The following ATAT1 variants were observed in gnomAD, a reference collection of about 807,000 sequenced individuals.
ATAT1 encodes alpha tubulin acetyltransferase 1, also known as alpha-tubulin N-acetyltransferase 1.
ATAT1 carries 42 observed loss-of-function variants against 57.2 expected under a neutral mutation model. The ratio of observed to expected loss-of-function variants is 0.73; its 90% CI spans 0.57 to 0.95. The LOEUF is 0.95. Among genes scored for constraint, ATAT1 ranks in the 40% least tolerant of loss-of-function variants. The probability of loss-of-function intolerance (pLI) is 0.00; values close to 1 mark genes in which losing one functional copy is unlikely to be tolerated. For synonymous variants in ATAT1, 168 were observed against 187.1 expected (o/e 0.90, Z 0.83); for missense variants, 454 against 523.7 (o/e 0.87, Z 1.30).
Position 30,626,944 on chromosome 6 carries a change from A to G in ATAT1, c.-260A>G, listed in dbSNP as rs1158582197. 1.8e-5 allele frequency: 29 copies of G among 1,608,756 alleles called. No individual in the cohort carries two copies. Among genetic ancestry groups the G allele is most frequent in the Non-Finnish European group, 2.5e-5 (29 of 1,178,356 alleles). The stretch of plus-strand genomic sequence containing the variant: ...CCGGAGCGGATCACGGTGCTGGACC[A>G]GCACCTGAGGCCCCCAGCCCGCCGA... On this transcript the variant is annotated 5_prime_UTR_variant, in exon 1 of 13. Transcript: ENST00000330083.
chr6:30,628,545 C>A, intron 6 of ATAT1, 115 bp downstream of exon 6: 1 of 816,636 alleles, frequency 1.2e-6, no homozygotes, highest in Non-Finnish European at 1.9e-6. Context: ...TTTCTACAAC[C>A]AGGCTCTTTC....
At chr6:30,640,674 A>G (rs1406957083) in intron 8 of ATAT1, 71 bp downstream of exon 8, 1 of 1,563,848 alleles carries the variant, frequency 6.4e-7, no homozygotes, top group Non-Finnish European at 8.8e-7. Context: ...CACGGGGTAC[A>G]GTGCCATCTG....
In ATAT1 at chr6:30,640,532, C is replaced by A; in HGVS notation, c.548-3C>A. 2 of 1,612,992 alleles carry A rather than the reference C, an allele frequency of 1.2e-6. No individual in the cohort carries two copies. The highest frequency in any genetic ancestry group is 1.7e-6 in the Non-Finnish European group (2 of 1,180,006). ...AGGGGCCCCGCCGCTTCCTTCCTCA[C>A]AGGGCCCCCTGCTCCCTCTCTGAGG... On this transcript the variant is annotated splice_region_variant and splice_polypyrimidine_tract_variant and intron_variant, in intron 7 of 12. Coordinates refer to ENST00000330083, the MANE Select transcript of ATAT1 (RefSeq NM_001031722.4).
Position 30,628,311 on chromosome 6 carries a change from G to C in ATAT1, c.400-18G>C. 6.2e-7 allele frequency: 1 copy of C among 1,609,636 alleles called. No homozygotes were observed. Among genetic ancestry groups the C allele is most frequent in the Non-Finnish European group, 8.5e-7 (1 of 1,177,162 alleles). ...TTCCCCATACTTCCTCCTACCCTGA[G>C]TCTCCTTTTCCCTGCAGAAGGAGCG... On this transcript the variant is annotated intron_variant, in intron 5 of 12. Coordinates refer to ENST00000330083, the MANE Select transcript of ATAT1 (RefSeq NM_001031722.4).
chr6:30,638,043 GA>G (rs1247834172), intron 6 of ATAT1, among the ~76,000 whole-genome samples: 1 of 151,754 alleles, frequency 6.6e-6, no homozygotes, highest in African/African-American at 2.4e-5. Flanking sequence ...ATGGCTGGCT[GA>G]TTTTTTGTAT....
intron 6 of ATAT1, among the ~76,000 whole-genome samples, chr6:30,638,575 G>GTT (rs1236891609): frequency 2.7e-4 from 38 of 140,304 alleles, no homozygotes; most frequent in Admixed American, 5.0e-4. Context: ...TGGCCCCCGA[G>GTT]TTTTTTTTTT....
At chr6:30,631,728 G>C (rs542445130) in intron 6 of ATAT1, among the ~76,000 whole-genome samples, 1 of 152,120 alleles carries the variant, frequency 6.6e-6, no homozygotes, top group African/African-American at 2.4e-5. Flanking sequence ...GCAGTGAGCC[G>C]AGATGGTACC....
chr6:30,643,576 C>T (rs1200507176), intron 10 of ATAT1: 1 of 1,550,728 alleles, frequency 6.4e-7, no homozygotes. Context: ...CTACCCTCTC[C>T]CTGCCCTGGG....
intron 9 of ATAT1, 119 bp from the exon 10 acceptor site, chr6:30,642,649 G>GAAAA: frequency 3.4e-6 from 2 of 593,020 alleles, no homozygotes; most frequent in South Asian, 2.1e-5. Flanking sequence ...TCTCAAAAAA[G>GAAAA]AAAAAAAAAA....
At chr6:30,633,676 G>T in intron 6 of ATAT1, 1 of 208,402 alleles carries the variant, frequency 4.8e-6, no homozygotes, top group Non-Finnish European at 1.1e-5. Context: ...TCACCACCAA[G>T]GACTTCAAGG....
At chr6:30,645,465 T>G (rs1316324639) in intron 10 of ATAT1, among the ~76,000 whole-genome samples, 2 of 152,114 alleles carry the variant, frequency 1.3e-5, no homozygotes, top group Admixed American at 6.5e-5. Flanking sequence ...CTGCCCGTCT[T>G]GGCCTCCCAA....
At chr6:30,630,192 G>A (rs1169493949) in intron 6 of ATAT1, among the ~76,000 whole-genome samples, 4 of 151,982 alleles carry the variant, frequency 2.6e-5, no homozygotes, top group African/African-American at 7.3e-5. Context: ...GTGGTGGCAC[G>A]AGCCTGTAGT....
intron 6 of ATAT1, among the ~76,000 whole-genome samples, chr6:30,634,993 C>G (rs918011224): frequency 6.6e-6 from 1 of 151,798 alleles, no homozygotes; most frequent in Non-Finnish European, 1.5e-5. Flanking sequence ...ATCTCAAAAA[C>G]AACAACAACA....
chr6:30,633,779 T>C, intron 6 of ATAT1: 1 of 178,916 alleles, frequency 5.6e-6, no homozygotes, highest in South Asian at 1.4e-4. Context: ...GACAACGAGG[T>C]AGATGAAGAA....
chr6:30,629,879 T>C (rs913871755), intron 6 of ATAT1, among the ~76,000 whole-genome samples: 3 of 152,192 alleles, frequency 2.0e-5, no homozygotes, highest in Non-Finnish European at 4.4e-5. Context: ...CATAGCCAGC[T>C]CATTTTCACC....
chr6:30,630,943 C>CA (rs565010583), intron 6 of ATAT1, among the ~76,000 whole-genome samples: 2,851 of 112,062 alleles, frequency 0.025, 45 homozygotes, highest in Middle Eastern at 0.059. Flanking sequence ...TGTCTCGGAA[C>CA]AAAAAAAAAA....
At position 30,642,942 on chromosome 6, in the gene ATAT1, C is replaced by A. The variant is rs752001883; in HGVS notation, c.863C>A (p.Pro288Gln). 20 of 1,613,878 alleles carry A rather than the reference C, an allele frequency of 1.2e-5. No homozygotes were observed. Among genetic ancestry groups the A allele is most frequent in the Non-Finnish European group, 7.6e-6 (9 of 1,180,012 alleles). Residue 288 changes from proline to glutamine, a missense_variant, in exon 10 of 13, where the codon CCA becomes CAA. Pro to Gln is a moderately conservative substitution (Grantham distance 76). Around this residue, in one of 3 missense-constraint regions of ATAT1, gnomAD observed 216 missense variants for 222.2 expected, o/e 0.97. Coordinates refer to ENST00000330083, the MANE Select transcript of ATAT1 (RefSeq NM_001031722.4). The stretch of plus-strand genomic sequence containing the variant: ...CTGCGTTCCTTGCGCCTCTGCCCCC[C>A]ACACCCTACCGCCCGCCTTCTGTTG...
At chr6:30,634,290 C>T (rs969696927) in intron 6 of ATAT1, among the ~76,000 whole-genome samples, 1 of 151,660 alleles carries the variant, frequency 6.6e-6, no homozygotes, top group Non-Finnish European at 1.5e-5. Flanking sequence ...CTAGCTCTGT[C>T]GCCAGGCTCA....
intron 8 of ATAT1, chr6:30,641,667 T>A: frequency 3.8e-6 from 2 of 524,416 alleles, no homozygotes; most frequent in Non-Finnish European, 2.4e-6. Flanking sequence ...TTTAACCTAA[T>A]AAAACTTCAG....
Sources: allele counts gnomAD v4.1 joint callset (sites outside exome capture counted in the v4.1 genomes callset), GRCh38; gene constraint gnomAD v4.1.1; regional missense constraint gnomAD v4.1.1; transcripts MANE v1.5; gene names NCBI Gene and HGNC (gene_info 2026-07-23, HGNC 2026-07-21).